The following NLGN1 variants were observed in gnomAD, a reference collection of about 807,000 sequenced individuals.
NLGN1 encodes the protein neuroligin 1, also known as neuroligin-1.
In NLGN1, 12 loss-of-function variants were observed where a neutral mutation model predicts 65.5. That is an observed-to-expected ratio of 0.18 (90% CI 0.12 to 0.30). The LOEUF is 0.30. Ranked by LOEUF, NLGN1 falls within the 10% of genes least tolerant of loss-of-function variation. The pLI is 1.00. For missense variants in NLGN1, 750 were observed against 1,007.1 expected, an observed-to-expected ratio of 0.74 and a Z score of 3.46; for synonymous variants, 350 against 359.5, an observed-to-expected ratio of 0.97 and a Z score of 0.30.
rs541309967 is a variant in NLGN1 at position 173,800,169 on chromosome 3, TC to T, written c.494-7507del. 4.0e-4 allele frequency: 90 copies of T among 225,436 alleles called. 1 individual carries two copies. The highest frequency in any genetic ancestry group is 2.5e-3 in the Middle Eastern group (4 of 1,592). The allele number at this position is 225,436 out of a possible 1,614,324, so 14.0% of individuals were successfully genotyped here. ...GGTAGTCAATTATGATGTGACCACT[TC>T]CCCACTCTTTTTGGAAATATCCTTG... On this transcript the variant is annotated intron_variant, in intron 3 of 6. Transcript: ENST00000457714.
At chr3:173,889,814 C>T (rs1357614999) in intron 4 of NLGN1, among the ~76,000 whole-genome samples, 1 of 152,086 alleles carries the variant, frequency 6.6e-6, no homozygotes, top group Non-Finnish European at 1.5e-5. Context: ...AAAAGAGATA[C>T]GGTGCATACA....
chr3:174,109,335 CTG>C (rs1205200104), intron 4 of NLGN1, among the ~76,000 whole-genome samples: 1 of 151,952 alleles, frequency 6.6e-6, no homozygotes, highest in South Asian at 2.1e-4. Context: ...CCTCCTATGA[CTG>C]TGCATTATTT....
intron 4 of NLGN1, among the ~76,000 whole-genome samples, chr3:174,158,539 C>A (rs1006016657): frequency 6.6e-6 from 1 of 151,596 alleles, no homozygotes; most frequent in Non-Finnish European, 1.5e-5. Context: ...GGATCAGAAG[C>A]CCCGGGCATA....
chr3:174,153,151 G>T (rs900501905), intron 4 of NLGN1, among the ~76,000 whole-genome samples: 1 of 151,982 alleles, frequency 6.6e-6, no homozygotes, highest in Non-Finnish European at 1.5e-5. Context: ...AGTTCAAATG[G>T]CACTTCTTGA....
intron 4 of NLGN1, among the ~76,000 whole-genome samples, chr3:173,884,820 CAAGGTT>C (rs1410706765): frequency 6.6e-6 from 1 of 151,978 alleles, no homozygotes; most frequent in Non-Finnish European, 1.5e-5. Flanking sequence ...CTGGAAAGTC[CAAGGTT>C]AAGGTGCCGA....
At chr3:174,212,077 G>A (rs1354984248) in intron 4 of NLGN1, among the ~76,000 whole-genome samples, 1 of 152,190 alleles carries the variant, frequency 6.6e-6, no homozygotes, top group Non-Finnish European at 1.5e-5. Context: ...GGCGGGGGAA[G>A]GCTCAGGCAT....
At chr3:173,484,411 T>C (rs1045872695) in intron 2 of NLGN1, among the ~76,000 whole-genome samples, 2 of 152,140 alleles carry the variant, frequency 1.3e-5, no homozygotes, top group African/African-American at 2.4e-5. Context: ...TTAAACAAAA[T>C]TTAAAAGATG....
chr3:173,930,306 A>G (rs1743863197), intron 4 of NLGN1, among the ~76,000 whole-genome samples: 1 of 152,188 alleles, frequency 6.6e-6, no homozygotes, highest in Non-Finnish European at 1.5e-5. Flanking sequence ...GTGCTGCACC[A>G]GGTAACTCTG....
intron 3 of NLGN1, among the ~76,000 whole-genome samples, chr3:173,740,026 A>C (rs554827112): frequency 6.6e-6 from 1 of 152,236 alleles, no homozygotes; most frequent in East Asian, 1.9e-4. Context: ...TAGGTTATTT[A>C]TTTAAAAAAG....
At chr3:173,663,529 A>G (rs181297926) in intron 3 of NLGN1, among the ~76,000 whole-genome samples, 17 of 152,150 alleles carry the variant, frequency 1.1e-4, no homozygotes, top group African/African-American at 3.8e-4. Context: ...GTTCTTGCAT[A>G]TATAGAAGCT....
intron 3 of NLGN1, among the ~76,000 whole-genome samples, chr3:173,736,260 C>T (rs974674909): frequency 1.3e-5 from 2 of 152,070 alleles, no homozygotes; most frequent in Admixed American, 1.3e-4. Flanking sequence ...TTCTCCACTT[C>T]TTACTCACAG....
intron 4 of NLGN1, among the ~76,000 whole-genome samples, chr3:173,970,773 G>A (rs9290486): frequency 0.02 from 3,050 of 152,164 alleles, 74 homozygotes; most frequent in South Asian, 0.064. Context: ...ATACTTGCCT[G>A]GTACATCGTT....
At chr3:173,648,864 CA>C (rs1758695904) in intron 3 of NLGN1, among the ~76,000 whole-genome samples, 2 of 152,088 alleles carry the variant, frequency 1.3e-5, no homozygotes, top group South Asian at 4.1e-4. Context: ...CATGAGCCAC[CA>C]CGCTCAGCCC....
chr3:174,275,955 G>A (rs564039812), intron 5 of NLGN1, among the ~76,000 whole-genome samples: 3 of 151,942 alleles, frequency 2.0e-5, no homozygotes, highest in South Asian at 4.1e-4. Context: ...TGAAGCTAAC[G>A]AAGCGGTCAT....
intron 4 of NLGN1, among the ~76,000 whole-genome samples, chr3:174,110,521 G>T (rs895009684): frequency 6.6e-6 from 1 of 151,824 alleles, no homozygotes; most frequent in African/African-American, 2.4e-5. Flanking sequence ...ATTTTCGTTG[G>T]GTTTAAGTAC....
intron 4 of NLGN1, among the ~76,000 whole-genome samples, chr3:174,156,462 G>A (rs1169964745): frequency 6.6e-6 from 1 of 151,686 alleles, no homozygotes; most frequent in Non-Finnish European, 1.5e-5. Context: ...GATGTTATTT[G>A]AATGGAACAC....
chr3:173,604,818 T>C (rs761718633), exon 3 of NLGN1: 2 of 1,613,760 alleles, frequency 1.2e-6, no homozygotes, highest in South Asian at 2.2e-5. Flanking sequence ...TAATGAAATT[T>C]TGGGGCCTGT....
At chr3:173,926,939 T>C (rs1042156531) in intron 4 of NLGN1, among the ~76,000 whole-genome samples, 1 of 152,182 alleles carries the variant, frequency 6.6e-6, no homozygotes, top group African/African-American at 2.4e-5. Flanking sequence ...GGAAAGCCAA[T>C]TGAGTCTTTC....
rs182735437 is a variant in NLGN1 at position 174,053,196 on chromosome 3, C to T, written c.647-222119C>T. On this transcript the variant is annotated intron_variant, in intron 4 of 6. Coordinates refer to ENST00000457714, the Ensembl canonical transcript of NLGN1. ...CTTTAAAACTTACTATCAGGTGTTTCGGGGCCAATCTCTAAATATCCCTGA... is the reference window on the plus strand; with the variant it reads ...CTTTAAAACTTACTATCAGGTGTTTTGGGGCCAATCTCTAAATATCCCTGA... Among the ~76,000 whole-genome samples the T allele has an allele frequency of 2.6e-3, 391 of 151,962 alleles. 2 individuals carry two copies. Among genetic ancestry groups the T allele is most frequent in the African/African-American group, 8.9e-3 (368 of 41,504 alleles).
Sources: allele counts gnomAD v4.1 joint callset (sites outside exome capture counted in the v4.1 genomes callset), GRCh38; gene constraint gnomAD v4.1.1; transcripts MANE v1.5; gene names NCBI Gene and HGNC (gene_info 2026-07-23, HGNC 2026-07-21).